Variants in KIAA0753 observed in about 807,000 individuals in gnomAD.
KIAA0753 encodes KIAA0753.
KIAA0753 carries 114 observed loss-of-function variants against 116.9 expected under a neutral mutation model. The ratio of observed to expected loss-of-function variants is 0.98; its 90% CI spans 0.84 to 1.14. The LOEUF (loss-of-function observed/expected upper bound fraction) is 1.14. KIAA0753 is among the 50% of genes most tolerant of loss of function. KIAA0753 has a pLI of 0.00. For missense variants in KIAA0753, 1,156 were observed against 1,172.4 expected, an observed-to-expected ratio of 0.99 and a Z score of 0.20; for synonymous variants, 405 against 413.1, an observed-to-expected ratio of 0.98 and a Z score of 0.24.
In KIAA0753 at chr17:6,606,870, T is replaced by C. The variant is rs762477034; in HGVS notation, c.2009+3A>G. Reference sequence around the variant, plus strand: ...CTATTCTTCCTAAGAAGCAAACACATACCTCAATTGTTGGAGTCTATACAT... The same window carrying C: ...CTATTCTTCCTAAGAAGCAAACACACACCTCAATTGTTGGAGTCTATACAT... On this transcript the variant is annotated splice_donor_region_variant and intron_variant, in intron 12 of 18. Coordinates refer to ENST00000361413, the MANE Select transcript of KIAA0753 (RefSeq NM_014804.3). 9.3e-6 allele frequency: 15 copies of C among 1,611,614 alleles called. No homozygotes were observed. In the African/African-American group the frequency reaches 1.2e-4, roughly 13 times the overall value.
intron 12 of KIAA0753, among the ~76,000 whole-genome samples, chr17:6,604,551 A>G (rs1163791759): frequency 2.0e-5 from 3 of 152,152 alleles, no homozygotes; most frequent in Non-Finnish European, 4.4e-5. Flanking sequence ...GTTACATACT[A>G]TACAATTCCA....
At chr17:6,620,409 GA>G (rs954152258) in intron 7 of KIAA0753, among the ~76,000 whole-genome samples, 23 of 130,110 alleles carry the variant, frequency 1.8e-4, no homozygotes, top group South Asian at 5.1e-4. Context: ...TTTATCTGAG[GA>G]AAAAAAAATA....
At chr17:6,600,589 A>C in intron 12 of KIAA0753, 131 bp from the exon 13 acceptor site, 1 of 640,816 alleles carries the variant, frequency 1.6e-6, no homozygotes, top group Non-Finnish European at 2.7e-6. Flanking sequence ...GGCCATATCA[A>C]TCTCCTGGGG....
chr17:6,591,094 A>C (rs1969028536), intron 16 of KIAA0753, among the ~76,000 whole-genome samples: 1 of 144,662 alleles, frequency 6.9e-6, no homozygotes, highest in Non-Finnish European at 1.5e-5. Context: ...AAGAAGAAGA[A>C]GAAGAAGAAG....
At chr17:6,615,138 T>C (rs1368941067) in intron 7 of KIAA0753, among the ~76,000 whole-genome samples, 2 of 152,194 alleles carry the variant, frequency 1.3e-5, no homozygotes, top group East Asian at 1.9e-4. Flanking sequence ...TTTCACCATA[T>C]TGGTCAGTCT....
chr17:6,626,708 A>G (rs949215059), intron 3 of KIAA0753, among the ~76,000 whole-genome samples: 4 of 152,322 alleles, frequency 2.6e-5, no homozygotes, highest in African/African-American at 9.6e-5. Flanking sequence ...TTTAAAGTAT[A>G]TGTTTACGTG....
At chr17:6,587,854 C>T (rs764062205) in intron 18 of KIAA0753, among the ~76,000 whole-genome samples, 5 of 152,160 alleles carry the variant, frequency 3.3e-5, no homozygotes, top group Non-Finnish European at 5.9e-5. Context: ...AAGAGACACA[C>T]GTGAGTGAGA....
chr17:6,627,330 C>G (rs1050198398), intron 3 of KIAA0753, among the ~76,000 whole-genome samples: 9 of 152,114 alleles, frequency 5.9e-5, no homozygotes, highest in Non-Finnish European at 1.5e-5. Context: ...TCTTAAGGTA[C>G]CTTAAATTCT....
Position 6,594,290 on chromosome 17 carries a change from G to A in KIAA0753, c.2440+682C>T, listed in dbSNP as rs1369043913. 6.5e-5 allele frequency among the ~76,000 whole-genome samples: 9 copies of A among 138,804 alleles called. No individual in the cohort carries two copies. In the East Asian group the frequency reaches 1.9e-3, roughly 29 times the overall value. The allele number at this position is 138,804 out of a possible 152,430, so 91.1% of individuals were successfully genotyped here. ...CTTCAGATTCTGACCCCCCCCCCCA[G>A]AACTATAGGAGAATAAATTTGTGCT... is the stretch of plus-strand genomic sequence containing the variant. On this transcript the variant is annotated intron_variant, in intron 16 of 18. Transcript: ENST00000361413.
chr17:6,598,016 A>G (rs1380741391), intron 14 of KIAA0753, among the ~76,000 whole-genome samples: 1 of 152,242 alleles, frequency 6.6e-6, no homozygotes, highest in Non-Finnish European at 1.5e-5. Context: ...TCTAAATACT[A>G]CACAGAGTTA....
At chr17:6,637,137 T>A (rs1386678737) in intron 1 of KIAA0753, 1 of 152,558 alleles carries the variant, frequency 6.6e-6, no homozygotes, top group African/African-American at 2.4e-5. Flanking sequence ...CCACTCCCCC[T>A]GTGGACTGTC....
intron 16 of KIAA0753, among the ~76,000 whole-genome samples, chr17:6,591,936 A>C (rs1969099834): frequency 6.6e-6 from 1 of 152,278 alleles, no homozygotes; most frequent in Non-Finnish European, 1.5e-5. Flanking sequence ...GGCTTAGTTG[A>C]GAGAGATGAG....
At chr17:6,601,754 T>C (rs1449275700) in intron 12 of KIAA0753, among the ~76,000 whole-genome samples, 1 of 152,206 alleles carries the variant, frequency 6.6e-6, no homozygotes, top group East Asian at 1.9e-4. Context: ...TAGGCAATGA[T>C]TTCTTAGCTA....
In KIAA0753 at chr17:6,580,820, G is replaced by A. The variant is rs530269194; in HGVS notation, c.2787-956C>T. Among the ~76,000 whole-genome samples, 23 of 151,852 alleles carry A rather than the reference G, an allele frequency of 1.5e-4. No individual in the cohort carries two copies. In the South Asian group the frequency reaches 1.7e-3, roughly 11 times the overall value. ...CCCCACCTCTAACAGCTGCCTGACC[G>A]GCCGACGGAGGAAGGGGTGTGCCTT... On this transcript the variant is annotated intron_variant, in intron 18 of 18. Coordinates refer to ENST00000361413, the MANE Select transcript of KIAA0753 (RefSeq NM_014804.3).
chr17:6,621,033 A>G lies in KIAA0753; in HGVS notation c.1105-35T>C, dbSNP rs756913886. ...AAACAATCAATTATTCTCTTAGTTT[A>G]TCTCGCAAAAGTATGACTTTTAATC... is the stretch of plus-strand genomic sequence containing the variant. On this transcript the variant is annotated intron_variant, in intron 6 of 18. Transcript: ENST00000361413. The G allele has an allele frequency of 8.1e-6, 13 of 1,599,106 alleles. No homozygotes were observed. The South Asian group carries it at 1.3e-4, about 16-fold the overall frequency.
At chr17:6,630,426 T>C (rs527610841) in intron 2 of KIAA0753, among the ~76,000 whole-genome samples, 2 of 151,830 alleles carry the variant, frequency 1.3e-5, no homozygotes, top group African/African-American at 4.8e-5. Flanking sequence ...AATTTGGCAA[T>C]CGCTAACAAA....
chr17:6,628,676 G>A lies in KIAA0753; in HGVS notation c.159C>T (p.Cys53=). ...HSSNLAIRYS[C]PHAIRIEKLK... is the part of the protein sequence containing the mutation. ...GTTTTTCAATTCTAATGGCATGTGG[G>A]CAAGAATATCGGATCGCCAAGTTGC... The change falls in exon 3 of 19, where the codon TGC becomes TGT. Residue 53 remains cysteine, a synonymous_variant. Transcript: ENST00000361413. 2 of 1,613,874 alleles carry A rather than the reference G, an allele frequency of 1.2e-6. No individual in the cohort carries two copies. Among genetic ancestry groups the A allele is most frequent in the Non-Finnish European group, 1.7e-6 (2 of 1,179,892 alleles).
chr17:6,628,363 T>C lies in KIAA0753; in HGVS notation c.472A>G (p.Ser158Gly). ...ESKSQAACQC[S>G]HQPSKVEISS... is the part of the protein sequence containing the mutation. ...ATTTCTACTTTGGATGGCTGGTGGCTACACTGACAGGCTGCTTGACTCTTT... is the reference window on the plus strand; with the variant it reads ...ATTTCTACTTTGGATGGCTGGTGGCCACACTGACAGGCTGCTTGACTCTTT... Residue 158 changes from serine (S) to glycine (G), a missense_variant, in exon 3 of 19, where the codon AGC (serine) becomes GGC (glycine). Coordinates refer to ENST00000361413, the MANE Select transcript of KIAA0753 (RefSeq NM_014804.3). The C allele has an allele frequency of 1.9e-6, 3 of 1,614,236 alleles. No individual in the cohort carries two copies.
At chr17:6,609,864 A>C in intron 9 of KIAA0753, 130 bp downstream of exon 9, 1 of 1,014,146 alleles carries the variant, frequency 9.9e-7, no homozygotes. Context: ...TCACCCAAAA[A>C]AGGATTTCTG....
Sources: gnomAD v4.1 joint callset for allele counts (sites outside exome capture counted in the v4.1 genomes callset) on GRCh38, gnomAD v4.1.1 for gene constraint, MANE v1.5 for transcripts, NCBI Gene and HGNC (gene_info 2026-07-23, HGNC 2026-07-21) for gene names.